Variants in METTL6 observed in about 807,000 individuals in gnomAD.
METTL6 encodes the protein tRNA N(3)-cytidine methyltransferase METTL6.
METTL6 carries 22 observed loss-of-function variants against 26.4 expected under a neutral mutation model. The observed-to-expected ratio is 0.83, with a 90% CI of 0.59 to 1.19. The LOEUF (loss-of-function observed/expected upper bound fraction) is 1.19, where lower values mean the gene tolerates loss of function less well. Ranked by LOEUF, METTL6 falls within the 50% of genes most tolerant of loss-of-function variation. METTL6 has a pLI of 0.00. For synonymous variants in METTL6, 109 were observed against 116.2 expected (o/e 0.94, Z 0.40); for missense variants, 304 against 324.8 (o/e 0.94, Z 0.49).
At chr3:15,407,178 C>G (rs1294296079), downstream of METTL6, among the ~76,000 whole-genome samples, 2 of 152,042 alleles carry the variant, frequency 1.3e-5, no homozygotes, top group Non-Finnish European at 2.9e-5. Flanking sequence ...CACCACCACG[C>G]CCAGCTAATT....
intron 6 of METTL6, among the ~76,000 whole-genome samples, chr3:15,391,495 T>C (rs1699344041): frequency 6.6e-6 from 1 of 152,138 alleles, no homozygotes; most frequent in South Asian, 2.1e-4. Context: ...TTAGGTCCTG[T>C]ATGTTGACAG....
At position 15,411,284 on chromosome 3, in the gene METTL6, A is replaced by T; in HGVS notation, c.827T>A (p.Val276Glu). The T allele has an allele frequency of 1.9e-6, 3 of 1,614,176 alleles. No individual in the cohort carries two copies. Among genetic ancestry groups the T allele is most frequent in the Non-Finnish European group, 2.5e-6 (3 of 1,180,016 alleles). The change falls in exon 6 of 6, where the codon GTG becomes GAG. Residue 276 changes from valine to glutamate, a missense_variant. By Grantham distance (121) the Val-to-Glu change is moderately radical. Coordinates refer to ENST00000383790, the MANE Select transcript of METTL6 (RefSeq NM_152396.4). ...GGACTTAGGATCCAGGCCCAGGACCACAGGAGATGGGTTCTTAGGAGGCTT... is the reference window on the plus strand; with the variant it reads ...GGACTTAGGATCCAGGCCCAGGACCTCAGGAGATGGGTTCTTAGGAGGCTT... ...FLKPPKNPSP[V>E]VLGLDPKS
intron 3 of METTL6, among the ~76,000 whole-genome samples, chr3:15,421,936 A>T (rs2061619759): frequency 6.6e-6 from 1 of 151,574 alleles, no homozygotes; most frequent in Admixed American, 6.6e-5. Flanking sequence ...AAATAAAATA[A>T]TTTTTTTTTG....
intron 4 of METTL6, among the ~76,000 whole-genome samples, chr3:15,415,256 T>A (rs1175867654): frequency 6.6e-6 from 1 of 152,242 alleles, no homozygotes; most frequent in Non-Finnish European, 1.5e-5. Flanking sequence ...GACAAAGGAA[T>A]GTGATTATTA....
intron 2 of METTL6, among the ~76,000 whole-genome samples, chr3:15,425,304 C>T (rs1205006333): frequency 2.0e-5 from 3 of 152,200 alleles, no homozygotes; most frequent in Admixed American, 2.0e-4. Flanking sequence ...GCTAACTCGG[C>T]TCTGGAGTTA....
chr3:15,419,112 T>C (rs2061553587), intron 3 of METTL6, among the ~76,000 whole-genome samples: 2 of 151,820 alleles, frequency 1.3e-5, no homozygotes, highest in African/African-American at 4.8e-5. Context: ...GAGCTGCAAT[T>C]TGCACCACTA....
chr3:15,384,047 G>C (rs1575378167), exon 7 of METTL6: 1 of 355,004 alleles, frequency 2.8e-6, no homozygotes, highest in Non-Finnish European at 5.3e-6. Flanking sequence ...CTGGATAAAG[G>C]GTTACCAGGC....
At chr3:15,406,621 TATATATATAGAG>T (rs1439359662), downstream of METTL6, among the ~76,000 whole-genome samples, 165 of 41,006 alleles carry the variant, frequency 4.0e-3, no homozygotes, top group Non-Finnish European at 5.3e-3. Flanking sequence ...TATATATATA[TATATATATAGAG>T]AGAGAGAGAG....
At chr3:15,405,132 G>C (rs925239386), downstream of METTL6, among the ~76,000 whole-genome samples, 1 of 152,148 alleles carries the variant, frequency 6.6e-6, no homozygotes, top group Non-Finnish European at 1.5e-5. Context: ...AACCATTTGG[G>C]GATAGGAAAG....
intron 6 of METTL6, among the ~76,000 whole-genome samples, chr3:15,387,161 T>G (rs948332125): frequency 6.6e-6 from 1 of 152,144 alleles, no homozygotes; most frequent in Non-Finnish European, 1.5e-5. Context: ...CAACCAATTG[T>G]TATTTTAGAG....
chr3:15,389,838 G>A (rs1449010189), intron 6 of METTL6, among the ~76,000 whole-genome samples: 6 of 147,284 alleles, frequency 4.1e-5, no homozygotes, highest in East Asian at 2.0e-4. Context: ...ATACGCCACC[G>A]CGCCCGGCCA....
At chr3:15,385,894 G>C (rs1294341975) in intron 6 of METTL6, among the ~76,000 whole-genome samples, 1 of 152,164 alleles carries the variant, frequency 6.6e-6, no homozygotes, top group Non-Finnish European at 1.5e-5. Flanking sequence ...TAGAATTGTA[G>C]TGTTACCAGA....
chr3:15,420,647 A>T (rs921938396), intron 3 of METTL6, among the ~76,000 whole-genome samples: 1 of 152,226 alleles, frequency 6.6e-6, no homozygotes, highest in Non-Finnish European at 1.5e-5. Flanking sequence ...CTATGTATAT[A>T]GTGTATATGA....
chr3:15,415,374 T>A (rs1036119753), intron 4 of METTL6: 7 of 927,540 alleles, frequency 7.5e-6, no homozygotes, highest in Non-Finnish European at 1.1e-5. Flanking sequence ...CCAGGCTGGT[T>A]TCAAACTCCT....
chr3:15,404,737 AG>A (rs1699741813), intron 6 of METTL6, among the ~76,000 whole-genome samples: 1 of 152,072 alleles, frequency 6.6e-6, no homozygotes, highest in Non-Finnish European at 1.5e-5. Flanking sequence ...GTTTATTCAC[AG>A]GTGAGATCAT....
At chr3:15,399,121 C>T (rs761747992) in intron 6 of METTL6, among the ~76,000 whole-genome samples, 2 of 152,050 alleles carry the variant, frequency 1.3e-5, no homozygotes, top group African/African-American at 2.4e-5. Flanking sequence ...AATGCCATGG[C>T]AATGTTAGGA....
intron 3 of METTL6, among the ~76,000 whole-genome samples, chr3:15,421,025 G>C (rs538150276): frequency 5.6e-4 from 85 of 152,300 alleles, no homozygotes; most frequent in African/African-American, 2.0e-3. Flanking sequence ...CTTAGAACTA[G>C]ACATAGTCCT....
chr3:15,406,619 TATATATATATAGAG>T (rs1240466179), downstream of METTL6, among the ~76,000 whole-genome samples: 120 of 43,324 alleles, frequency 2.8e-3, no homozygotes, highest in Middle Eastern at 9.6e-3. Flanking sequence ...TATATATATA[TATATATATATAGAG>T]AGAGAGAGAG....
intron 6 of METTL6, among the ~76,000 whole-genome samples, chr3:15,397,358 C>T (rs1052103439): frequency 2.0e-5 from 3 of 152,172 alleles, no homozygotes; most frequent in Non-Finnish European, 2.9e-5. Context: ...GTGGGAGTGA[C>T]CCGATTTTCC....
Sources: allele counts gnomAD v4.1 joint callset (sites outside exome capture counted in the v4.1 genomes callset), GRCh38; gene constraint gnomAD v4.1.1; transcripts MANE v1.5; gene names NCBI Gene and HGNC (gene_info 2026-07-23, HGNC 2026-07-21).